SDK2: variants seen among roughly 807,000 people sequenced by gnomAD.
SDK2 encodes protein sidekick-2.
In SDK2, 105 loss-of-function variants were observed where a neutral mutation model predicts 253.9. That is an observed-to-expected ratio of 0.41 (90% CI 0.35 to 0.49). The LOEUF (loss-of-function observed/expected upper bound fraction) is 0.49. Ranked by LOEUF, SDK2 falls within the 20% of genes least tolerant of loss-of-function variation. SDK2 has a pLI of 0.06. For synonymous variants in SDK2, 1,249 were observed against 1,234.9 expected (o/e 1.01, Z -0.24); for missense variants, 2,608 against 3,003.0 (o/e 0.87, Z 3.07).
At chr17:73,346,239 A>G (rs1232611403) in intron 44 of SDK2, among the ~76,000 whole-genome samples, 2 of 151,814 alleles carry the variant, frequency 1.3e-5, no homozygotes, top group African/African-American at 4.8e-5. Flanking sequence ...AAAAGAAAAC[A>G]TGATTTGCTC....
chr17:73,613,066 ACCAAGGT>A (rs1331933874), intron 1 of SDK2, among the ~76,000 whole-genome samples: 1 of 152,178 alleles, frequency 6.6e-6, no homozygotes, highest in Non-Finnish European at 1.5e-5. Flanking sequence ...GAACAAACAC[ACCAAGGT>A]CCTGCTCAAG....
intron 31 of SDK2, 77 bp downstream of exon 31, chr17:73,386,368 C>G: frequency 2.9e-6 from 3 of 1,045,206 alleles, no homozygotes; most frequent in Non-Finnish European, 4.3e-6. Context: ...GAGGCCCCTC[C>G]CCCCGTAAGA....
intron 1 of SDK2, among the ~76,000 whole-genome samples, chr17:73,540,091 C>T (rs1037575257): frequency 5.3e-5 from 8 of 150,810 alleles, no homozygotes; most frequent in African/African-American, 2.0e-4. Context: ...AGCTGTGAGC[C>T]ACGGTACCCA....
intron 1 of SDK2, among the ~76,000 whole-genome samples, chr17:73,585,952 A>G (rs2045597653): frequency 1.3e-5 from 2 of 152,344 alleles, no homozygotes; most frequent in South Asian, 4.1e-4. Context: ...TGTGTGTCCT[A>G]GGAAATATAT....
intron 1 of SDK2, chr17:73,513,546 T>C (rs1408146391): frequency 6.6e-6 from 1 of 152,214 alleles, no homozygotes; most frequent in South Asian, 2.1e-4. Flanking sequence ...AATTTGGCAA[T>C]GCTATCAAAG....
chr17:73,536,845 C>T (rs2044782420), intron 1 of SDK2, among the ~76,000 whole-genome samples: 1 of 152,210 alleles, frequency 6.6e-6, no homozygotes, highest in African/African-American at 2.4e-5. Flanking sequence ...CTTCCCTACT[C>T]CGCCTTCCTG....
intron 1 of SDK2, among the ~76,000 whole-genome samples, chr17:73,525,446 G>A (rs1261571005): frequency 6.6e-6 from 1 of 152,158 alleles, no homozygotes; most frequent in Non-Finnish European, 1.5e-5. Flanking sequence ...ATATAATAGG[G>A]TGCTTGGCTG....
At chr17:73,401,923 G>A (rs1323356524) in intron 19 of SDK2, 23 bp downstream of exon 19, 18 of 1,561,022 alleles carry the variant, frequency 1.2e-5, no homozygotes, top group Non-Finnish European at 1.5e-5. Flanking sequence ...GGGGCAGAAA[G>A]AGCAGGGCTG....
chr17:73,611,204 T>C (rs1222409529), intron 1 of SDK2, among the ~76,000 whole-genome samples: 1 of 152,300 alleles, frequency 6.6e-6, no homozygotes, highest in East Asian at 1.9e-4. Context: ...AGAATCTCAC[T>C]TTCTCTCCTT....
intron 5 of SDK2, among the ~76,000 whole-genome samples, chr17:73,444,511 G>A (rs2063438208): frequency 6.6e-6 from 1 of 152,208 alleles, no homozygotes; most frequent in Non-Finnish European, 1.5e-5. Context: ...CACACGGGGG[G>A]CCTCACTGGA....
chr17:73,518,614 G>A (rs2064050323), intron 1 of SDK2: 1 of 152,218 alleles, frequency 6.6e-6, no homozygotes, highest in Admixed American at 6.5e-5. Context: ...AGAGGGGAAG[G>A]GAGCTCTTTC....
In SDK2 at chr17:73,391,433, G is replaced by T; in HGVS notation, c.3997+7C>A. ...GCAGCCGGGGCACGGGAAGGGCAAAGGCTTACCAAGAATGATGCCATTGGG... is the reference window on the plus strand; with the variant it reads ...GCAGCCGGGGCACGGGAAGGGCAAATGCTTACCAAGAATGATGCCATTGGG... On this transcript the variant is annotated splice_region_variant and intron_variant, in intron 28 of 44. Coordinates refer to ENST00000392650, the MANE Select transcript of SDK2 (RefSeq NM_001144952.2). 2 of 1,305,056 alleles carry T rather than the reference G, an allele frequency of 1.5e-6. No homozygotes were observed. Among genetic ancestry groups the T allele is most frequent in the Non-Finnish European group, 2.0e-6 (2 of 1,016,902 alleles). The allele number at this position is 1,305,056 out of a possible 1,614,324, so 80.8% of individuals were successfully genotyped here. A position where few individuals can be genotyped will look rare whatever the true frequency, so the allele number is the denominator to read the frequency against.
In SDK2 at chr17:73,419,244, G is replaced by T; in HGVS notation, c.2108C>A (p.Thr703Asn). The T allele has an allele frequency of 6.2e-7, 1 of 1,612,980 alleles. No homozygotes were observed. Among genetic ancestry groups the T allele is most frequent in the Non-Finnish European group, 8.5e-7 (1 of 1,179,660 alleles). ...PPQNVIASGR[T>N]NQSIMIQWQP... ...CCACTGGATCATGATGGACTGGTTG[G>T]TTCGACCGCTGGCGATGACGTTCTG... The change falls in exon 16 of 45, where the codon ACC (threonine) becomes AAC (asparagine). Residue 703 changes from threonine (T) to asparagine (N), a missense_variant. This residue lies in a region of SDK2 where 1,505 missense variants were observed against 1,859.1 expected (regional missense o/e 0.81). Transcript: ENST00000392650.
intron 1 of SDK2, among the ~76,000 whole-genome samples, chr17:73,632,562 C>T (rs1394548849): frequency 1.3e-5 from 2 of 152,198 alleles, no homozygotes; most frequent in Non-Finnish European, 2.9e-5. Context: ...GACCTCCTTG[C>T]TCCTCAGCTT....
chr17:73,432,625 G>A (rs1392472199), intron 10 of SDK2, among the ~76,000 whole-genome samples: 1 of 151,582 alleles, frequency 6.6e-6, no homozygotes, highest in African/African-American at 2.4e-5. Flanking sequence ...AGGTAAATAA[G>A]CCGATGACCA....
chr17:73,496,499 G>A lies in SDK2; in HGVS notation c.224+10939C>T, dbSNP rs143148195. 2.6e-5 allele frequency among the ~76,000 whole-genome samples: 4 copies of A among 152,298 alleles called. No homozygotes were observed. Among genetic ancestry groups the A allele is most frequent in the Non-Finnish European group, 5.9e-5 (4 of 68,026 alleles). On this transcript the variant is annotated intron_variant, in intron 2 of 44. Transcript: ENST00000392650. The surrounding 1 kb of genome is among the most constrained non-coding windows in gnomAD (Gnocchi z 4.7). ...GAAAGAGCAGAGACCACGGGTGCAC[G>A]ATGCGTTCTGCCCATTAGCGAAGGG...
chr17:73,505,276 C>T (rs1026662173), intron 2 of SDK2, among the ~76,000 whole-genome samples: 1 of 152,118 alleles, frequency 6.6e-6, no homozygotes, highest in Admixed American at 6.5e-5. Context: ...TTTTTGAAGC[C>T]CAACTCAACC....
In SDK2 at chr17:73,435,184, A is replaced by G. The variant is rs983818758; in HGVS notation, c.1195+266T>C. ...TTGGTTTCATAGCTCCTTTTCTCAA[A>G]AAGCCGTGAACGCAACCTGGGCCCC... On this transcript the variant is annotated intron_variant, in intron 9 of 44. Coordinates refer to ENST00000392650, the MANE Select transcript of SDK2 (RefSeq NM_001144952.2). This position sits in a 1 kb window ranked among gnomAD's most constrained non-coding sequence, Gnocchi z 5.7. Among the ~76,000 whole-genome samples the G allele has an allele frequency of 7.2e-5, 11 of 152,142 alleles. No homozygotes were observed. The highest frequency in any genetic ancestry group is 2.7e-4 in the African/African-American group (11 of 41,426).
Position 73,575,538 on chromosome 17 carries a change from G to A in SDK2, c.65-67941C>T, listed in dbSNP as rs150716225. Among the ~76,000 whole-genome samples the A allele has an allele frequency of 3.7e-3, 571 of 152,314 alleles. 3 individuals are homozygous for A. The highest frequency in any genetic ancestry group is 9.0e-3 in the African/African-American group (372 of 41,560). ...ACTATCTCTTGCTAGCCATGACCTG[G>A]GGGCAAAACACGTAATCTCTCCGTG... On this transcript the variant is annotated intron_variant, in intron 1 of 44. Transcript: ENST00000392650.
Sources: gnomAD v4.1 joint callset for allele counts (sites outside exome capture counted in the v4.1 genomes callset) on GRCh38, gnomAD v4.1.1 for gene constraint, gnomAD v4.1.1 regional missense constraint, Gnocchi (gnomAD v3.1) non-coding constraint, MANE v1.5 for transcripts, NCBI Gene and HGNC (gene_info 2026-07-23, HGNC 2026-07-21) for gene names.